The following DPP10 variants were observed in gnomAD, a reference collection of about 807,000 sequenced individuals.
The protein encoded by DPP10 is inactive dipeptidyl peptidase 10.
DPP10 carries 33 observed loss-of-function variants against 120.9 expected under a neutral mutation model. That is an observed-to-expected ratio of 0.27 (90% CI 0.21 to 0.37). The LOEUF is 0.37. Ranked by LOEUF, DPP10 falls within the 10% of genes least tolerant of loss-of-function variation. The probability of loss-of-function intolerance (pLI) is 1.00; values close to 1 mark genes in which losing one functional copy is unlikely to be tolerated. For missense variants in DPP10, 816 were observed against 942.8 expected (o/e 0.87, Z 1.76); for synonymous variants, 337 against 326.1 (o/e 1.03, Z -0.36).
chr2:114,984,853 G>T (rs1700301287), intron 1 of DPP10, among the ~76,000 whole-genome samples: 1 of 152,028 alleles, frequency 6.6e-6, no homozygotes, highest in African/African-American at 2.4e-5. Flanking sequence ...ATTCCAATCT[G>T]TGGTCCTCTC....
chr2:114,994,425 A>G (rs1196173142), intron 1 of DPP10, among the ~76,000 whole-genome samples: 1 of 152,174 alleles, frequency 6.6e-6, no homozygotes, highest in Non-Finnish European at 1.5e-5. Flanking sequence ...GTGAAGCTGT[A>G]GAACTTATAT....
At chr2:114,694,041 C>G (rs1302239850) in intron 1 of DPP10, among the ~76,000 whole-genome samples, 1 of 151,782 alleles carries the variant, frequency 6.6e-6, no homozygotes, top group African/African-American at 2.4e-5. Flanking sequence ...TAGTACTGAA[C>G]CCAATAAAGG....
chr2:114,666,989 A>G (rs1697973103), intron 1 of DPP10, among the ~76,000 whole-genome samples: 2 of 152,220 alleles, frequency 1.3e-5, no homozygotes, highest in Admixed American at 6.5e-5. Context: ...GACAGATAGT[A>G]ATTTGTTTAA....
intron 1 of DPP10, among the ~76,000 whole-genome samples, chr2:114,604,519 C>T (rs1008048358): frequency 2.0e-5 from 3 of 152,084 alleles, no homozygotes; most frequent in Non-Finnish European, 4.4e-5. Flanking sequence ...TCTACCAAAC[C>T]ATGGATGGCT....
At chr2:114,627,558 A>C (rs956134549) in intron 1 of DPP10, among the ~76,000 whole-genome samples, 2 of 152,068 alleles carry the variant, frequency 1.3e-5, no homozygotes, top group African/African-American at 4.8e-5. Flanking sequence ...GTCTTACATA[A>C]TAACTGCACA....
chr2:115,067,679 C>G (rs193083137), intron 1 of DPP10, among the ~76,000 whole-genome samples: 12 of 146,822 alleles, frequency 8.2e-5, no homozygotes, highest in Non-Finnish European at 1.7e-4. Context: ...CTGGCTAACA[C>G]GGTGAAACCC....
At chr2:115,425,692 T>C (rs2070390555) in intron 3 of DPP10, among the ~76,000 whole-genome samples, 1 of 152,182 alleles carries the variant, frequency 6.6e-6, no homozygotes, top group Non-Finnish European at 1.5e-5. Flanking sequence ...GATTCAGTAA[T>C]TGATAGTGTA....
intron 1 of DPP10, among the ~76,000 whole-genome samples, chr2:114,633,929 A>G (rs910626522): frequency 2.6e-5 from 4 of 151,758 alleles, no homozygotes; most frequent in Non-Finnish European, 4.4e-5. Context: ...TGTGGATTTT[A>G]ATTGTCTTAA....
chr2:115,842,137 G>T, intron 25 of DPP10, 74 bp from the exon 26 acceptor site: 1 of 1,451,434 alleles, frequency 6.9e-7, no homozygotes. Flanking sequence ...CATGACGTTA[G>T]GGCTCAGAAA....
intron 1 of DPP10, among the ~76,000 whole-genome samples, chr2:114,908,659 G>T (rs1694150300): frequency 6.6e-6 from 1 of 151,676 alleles, no homozygotes; most frequent in Admixed American, 6.6e-5. Flanking sequence ...AGGCAAGATG[G>T]ACAAACATTT....
intron 1 of DPP10, among the ~76,000 whole-genome samples, chr2:115,167,338 G>T (rs2052956773): frequency 6.6e-6 from 1 of 151,626 alleles, no homozygotes; most frequent in Admixed American, 6.6e-5. Context: ...GAGATAGATG[G>T]ATTGAGCCTA....
At chr2:114,850,798 C>G (rs1029869565) in intron 1 of DPP10, among the ~76,000 whole-genome samples, 18 of 152,116 alleles carry the variant, frequency 1.2e-4, no homozygotes, top group Non-Finnish European at 1.8e-4. Flanking sequence ...AAGACTAATA[C>G]CCCAGACACT....
intron 1 of DPP10, among the ~76,000 whole-genome samples, chr2:114,475,599 T>C (rs1271535687): frequency 6.6e-6 from 1 of 152,140 alleles, no homozygotes; most frequent in Non-Finnish European, 1.5e-5. Context: ...TCATAATCTC[T>C]AGGGCTGGGA....
chr2:115,026,910 G>T (rs1019202238), intron 1 of DPP10, among the ~76,000 whole-genome samples: 4 of 152,136 alleles, frequency 2.6e-5, no homozygotes, highest in Non-Finnish European at 4.4e-5. Flanking sequence ...ATTGCTTTGA[G>T]TAGTATTGTA....
At chr2:115,650,247 C>T (rs1006061634) in intron 5 of DPP10, among the ~76,000 whole-genome samples, 3 of 152,036 alleles carry the variant, frequency 2.0e-5, no homozygotes, top group Admixed American at 2.0e-4. Flanking sequence ...TTAATCACTT[C>T]AACTTGAATC....
At chr2:114,733,124 A>G (rs1204129563) in intron 1 of DPP10, among the ~76,000 whole-genome samples, 1 of 152,194 alleles carries the variant, frequency 6.6e-6, no homozygotes, top group Non-Finnish European at 1.5e-5. Flanking sequence ...AGGTGGTGCG[A>G]GAAGGGAGCT....
intron 1 of DPP10, among the ~76,000 whole-genome samples, chr2:115,186,124 T>A (rs1389301221): frequency 6.6e-6 from 1 of 152,224 alleles, no homozygotes; most frequent in Non-Finnish European, 1.5e-5. Context: ...GGAAATAAGT[T>A]CTTTTATTTC....
intron 1 of DPP10, among the ~76,000 whole-genome samples, chr2:115,057,075 T>A (rs1042518450): frequency 6.6e-6 from 1 of 152,068 alleles, no homozygotes; most frequent in African/African-American, 2.4e-5. Flanking sequence ...AAAGAAAAAA[T>A]TCTGTATCTT....
intron 5 of DPP10, among the ~76,000 whole-genome samples, chr2:115,673,224 T>G (rs2090042714): frequency 6.6e-6 from 1 of 152,174 alleles, no homozygotes; most frequent in East Asian, 1.9e-4. Context: ...TATACTGTAT[T>G]TCCAATGCAG....
Sources: allele counts gnomAD v4.1 joint callset (sites outside exome capture counted in the v4.1 genomes callset), GRCh38; gene constraint gnomAD v4.1.1; transcripts MANE v1.5; gene names NCBI Gene and HGNC (gene_info 2026-07-23, HGNC 2026-07-21).